The following MACROD2 variants were observed in gnomAD, a reference collection of about 807,000 sequenced individuals.
The protein encoded by MACROD2 is ADP-ribose glycohydrolase MACROD2.
In MACROD2, 36 loss-of-function variants were observed where a neutral mutation model predicts 70.4. That is an observed-to-expected ratio of 0.51 (90% CI 0.39 to 0.68). The LOEUF (loss-of-function observed/expected upper bound fraction) is 0.68, where lower values mean the gene tolerates loss of function less well. MACROD2 is among the 30% of genes least tolerant of loss of function. The probability of loss-of-function intolerance (pLI) is 0.00; values close to 1 mark genes in which losing one functional copy is unlikely to be tolerated. For synonymous variants in MACROD2, 172 were observed against 178.8 expected (o/e 0.96, Z 0.30); for missense variants, 496 against 538.4 (o/e 0.92, Z 0.78).
Position 15,535,130 on chromosome 20 carries a change from T to TG in MACROD2, c.645+35284dup, listed in dbSNP as rs1299420454. On this transcript the variant is annotated intron_variant, in intron 8 of 17. Coordinates refer to ENST00000684519, the MANE Select transcript of MACROD2 (RefSeq NM_001351661.2). ...AACTGGGACAACAGGCAGGTGCCAC[T>TG]GTGCTCAGCTAATTTTTTAAAATTT... Among the ~76,000 whole-genome samples the TG allele has an allele frequency of 5.9e-5, 9 of 152,184 alleles. No individual in the cohort carries two copies. The East Asian group carries it at 1.5e-3, about 26-fold the overall frequency.
chr20:15,532,060 TGGTAAG>T (rs1568872479), intron 8 of MACROD2, among the ~76,000 whole-genome samples: 1 of 152,148 alleles, frequency 6.6e-6, no homozygotes, highest in Non-Finnish European at 1.5e-5. Flanking sequence ...TAGTTCTGCA[TGGTAAG>T]AACTTAGTAT....
At chr20:15,176,604 CGGGT>C (rs2076464058) in intron 5 of MACROD2, among the ~76,000 whole-genome samples, 7 of 152,154 alleles carry the variant, frequency 4.6e-5, no homozygotes, top group Admixed American at 4.6e-4. Flanking sequence ...CTTCCCACTT[CGGGT>C]CTCCTGAGGG....
chr20:14,738,614 C>G (rs561765781), intron 5 of MACROD2, among the ~76,000 whole-genome samples: 82 of 152,030 alleles, frequency 5.4e-4, no homozygotes, highest in African/African-American at 1.7e-3. Flanking sequence ...AGCAAATGCA[C>G]GCATACATGA....
rs1263337616 is a variant in MACROD2 at position 14,759,499 on chromosome 20, AAGTT to A, written c.418+74544_418+74547del. 2.6e-5 allele frequency among the ~76,000 whole-genome samples: 4 copies of A among 152,214 alleles called. No individual in the cohort carries two copies. In the East Asian group the frequency reaches 5.8e-4, roughly 22 times the overall value. On this transcript the variant is annotated intron_variant, in intron 5 of 17. Transcript: ENST00000684519. ...GATTCTATTATAAAGGTGTATTTAT[AAGTT>A]AGTCATTTAGAATGCAGAGTTCATT...
intron 8 of MACROD2, among the ~76,000 whole-genome samples, chr20:15,795,793 C>T (rs1359111847): frequency 1.3e-5 from 2 of 152,332 alleles, no homozygotes; most frequent in Admixed American, 6.5e-5. Flanking sequence ...TGGGCCATCT[C>T]TGAGTGCCGA....
At chr20:15,480,359 C>A (rs1320971927) in intron 7 of MACROD2, among the ~76,000 whole-genome samples, 3 of 152,174 alleles carry the variant, frequency 2.0e-5, no homozygotes, top group Admixed American at 2.0e-4. Flanking sequence ...CACTTTTAAC[C>A]AATTCTGGTT....
chr20:15,793,053 A>G (rs550293331), intron 8 of MACROD2, among the ~76,000 whole-genome samples: 1 of 152,326 alleles, frequency 6.6e-6, no homozygotes, highest in Non-Finnish European at 1.5e-5. Context: ...TACAAGATAA[A>G]TGACGTCATT....
chr20:15,743,049 T>G (rs940836338), intron 8 of MACROD2, among the ~76,000 whole-genome samples: 2 of 152,196 alleles, frequency 1.3e-5, no homozygotes, highest in African/African-American at 2.4e-5. Context: ...ACATTTCATA[T>G]TCAAAGTAGC....
rs150667187 is a variant in MACROD2 at position 14,156,148 on chromosome 20, T to A, written c.271+70420T>A. 7.9e-3 allele frequency among the ~76,000 whole-genome samples: 1,197 copies of A among 152,036 alleles called. 10 individuals are homozygous for A. Among genetic ancestry groups the A allele is most frequent in the Non-Finnish European group, 0.013 (875 of 67,970 alleles). ...CTGCACTCCAGCCTGGGCGACAAAG[T>A]CTCAAAAAAAATAAAAAATAAAAAT... On this transcript the variant is annotated intron_variant, in intron 3 of 17. Coordinates refer to ENST00000684519, the MANE Select transcript of MACROD2 (RefSeq NM_001351661.2).
chr20:15,851,354 G>A (rs550341160), intron 8 of MACROD2, among the ~76,000 whole-genome samples: 12 of 151,966 alleles, frequency 7.9e-5, no homozygotes, highest in African/African-American at 2.9e-4. Flanking sequence ...TTAAATAACA[G>A]AAATTTATTT....
At position 15,233,710 on chromosome 20, in the gene MACROD2, T is replaced by G. The variant is rs185312128; in HGVS notation, c.540+3649T>G. On this transcript the variant is annotated intron_variant, in intron 6 of 17. Coordinates refer to ENST00000684519, the MANE Select transcript of MACROD2 (RefSeq NM_001351661.2). The stretch of plus-strand genomic sequence containing the variant: ...ATTAATCAACAAATCAAATGGCTCA[T>G]TTTACGATGGCATTTCTTTTATGAA... Among the ~76,000 whole-genome samples the G allele has an allele frequency of 5.7e-4, 86 of 151,772 alleles. 2 individuals carry two copies. In the Middle Eastern group the frequency reaches 0.041, roughly 72 times the overall value.
chr20:14,263,220 A>G (rs912495204), intron 3 of MACROD2, among the ~76,000 whole-genome samples: 5 of 152,208 alleles, frequency 3.3e-5, no homozygotes, highest in Non-Finnish European at 5.9e-5. Context: ...GAAGCCACTT[A>G]AAGTGTTTAA....
chr20:15,843,398 T>C (rs2064195994), intron 8 of MACROD2, among the ~76,000 whole-genome samples: 1 of 152,184 alleles, frequency 6.6e-6, no homozygotes, highest in African/African-American at 2.4e-5. Flanking sequence ...CAGTTCATGT[T>C]CGTGTGTTGA....
chr20:16,052,847 TA>T lies in MACROD2; in HGVS notation c.*2972del, dbSNP rs1241906773. ...ATGTTCAATATATTTTCTTGGGGAA[TA>T]GGGTTTTTATTACATGATTCATTAA... is the stretch of plus-strand genomic sequence containing the variant. On this transcript the variant is annotated 3_prime_UTR_variant, in exon 18 of 18. Transcript: ENST00000684519. 2 of 152,636 alleles carry T rather than the reference TA, an allele frequency of 1.3e-5. No homozygotes were observed. Among genetic ancestry groups the T allele is most frequent in the African/African-American group, 4.8e-5 (2 of 41,450 alleles). The allele number at this position is 152,636 out of a possible 1,614,324, so 9.5% of individuals were successfully genotyped here.
intron 3 of MACROD2, among the ~76,000 whole-genome samples, chr20:14,088,613 T>C (rs1216719061): frequency 3.9e-5 from 6 of 152,180 alleles, no homozygotes; most frequent in Admixed American, 3.9e-4. Flanking sequence ...ACAAGTTTTC[T>C]CCTTCTTGTT....
At chr20:14,822,300 A>G (rs1259603222) in intron 5 of MACROD2, among the ~76,000 whole-genome samples, 1 of 152,134 alleles carries the variant, frequency 6.6e-6, no homozygotes, top group Non-Finnish European at 1.5e-5. Context: ...ATATTGTTCC[A>G]CATAAGATGG....
At chr20:14,960,201 C>A (rs2074571154) in intron 5 of MACROD2, among the ~76,000 whole-genome samples, 1 of 152,200 alleles carries the variant, frequency 6.6e-6, no homozygotes, top group South Asian at 2.1e-4. Context: ...CTTCTCCACA[C>A]CCTTGGCTGG....
At chr20:14,939,191 C>A (rs111365045) in intron 5 of MACROD2, among the ~76,000 whole-genome samples, 4 of 152,036 alleles carry the variant, frequency 2.6e-5, no homozygotes, top group African/African-American at 9.6e-5. Flanking sequence ...TGGAGCATCT[C>A]CCCAAAGTTT....
At chr20:14,311,959 A>C (rs548413908) in intron 3 of MACROD2, among the ~76,000 whole-genome samples, 4 of 152,348 alleles carry the variant, frequency 2.6e-5, no homozygotes, top group Admixed American at 2.6e-4. Flanking sequence ...AAATATGCTC[A>C]AATTGCCCTC....
Sources: gnomAD v4.1 joint callset for allele counts (sites outside exome capture counted in the v4.1 genomes callset) on GRCh38, gnomAD v4.1.1 for gene constraint, MANE v1.5 for transcripts, NCBI Gene and HGNC (gene_info 2026-07-23, HGNC 2026-07-21) for gene names.